The following SERAC1 variants were observed in gnomAD, a reference collection of about 807,000 sequenced individuals.
SERAC1 encodes the protein serine active site containing 1, also known as protein SERAC1.
A neutral mutation model predicts 85.7 loss-of-function variants in SERAC1; 36 were observed. That is an observed-to-expected ratio of 0.42 (90% CI 0.32 to 0.55). The LOEUF (loss-of-function observed/expected upper bound fraction) is 0.55. Ranked by LOEUF, SERAC1 falls within the 20% of genes least tolerant of loss-of-function variation. SERAC1 has a pLI of 0.11. For missense variants in SERAC1, 629 were observed against 796.2 expected, an observed-to-expected ratio of 0.79 and a Z score of 2.53; for synonymous variants, 242 against 265.3, an observed-to-expected ratio of 0.91 and a Z score of 0.85.
Position 158,144,380 on chromosome 6 carries a change from T to A in SERAC1, c.528A>T (p.Lys176Asn), listed in dbSNP as rs1463240380. ...YRIIAQACDP[K>N]TLIGLARSEE... ...CGCTTCGTGCCAAACCAATAAGAGT[T>A]TTCGGATCACAGGCTTGAGCAATTA... The change falls in exon 7 of 17, where the codon AAA (lysine) becomes AAT (asparagine). Residue 176 changes from lysine (K) to asparagine (N), a missense_variant. Coordinates refer to ENST00000647468, the MANE Select transcript of SERAC1 (RefSeq NM_032861.4). 3 of 1,613,206 alleles carry A rather than the reference T, an allele frequency of 1.9e-6. No individual in the cohort carries two copies. The highest frequency in any genetic ancestry group is 1.7e-6 in the Non-Finnish European group (2 of 1,179,514).
In SERAC1 at chr6:158,113,549, A is replaced by AAAC. The variant is rs1478893955; in HGVS notation, c.1725_1727dup (p.Glu575_Phe576insLeu). ...GCACCTGGAAGTTTTTGTCTTTAGC[A>AAAC]AACTCCAGAAAGTCATCTTGTAGTG... On this transcript the variant is annotated inframe_insertion, in exon 16 of 17. Transcript: ENST00000647468. 6.2e-6 allele frequency: 10 copies of AAAC among 1,613,908 alleles called. No individual in the cohort carries two copies. In the Admixed American group the frequency reaches 1.5e-4, roughly 24 times the overall value.
chr6:158,138,435 C>CAAA (rs60850749), intron 8 of SERAC1, among the ~76,000 whole-genome samples: 75 of 72,686 alleles, frequency 1.0e-3, no homozygotes, highest in Non-Finnish European at 1.3e-3. Context: ...GACTCTGTCT[C>CAAA]AAAAAAAAAA....
chr6:158,140,615 C>T (rs536330309), intron 8 of SERAC1, among the ~76,000 whole-genome samples: 1 of 152,234 alleles, frequency 6.6e-6, no homozygotes, highest in South Asian at 2.1e-4. Flanking sequence ...TTAATCAAAC[C>T]CAAGGTGGGG....
At chr6:158,147,190 G>A (rs1785084013) in intron 5 of SERAC1, among the ~76,000 whole-genome samples, 1 of 152,024 alleles carries the variant, frequency 6.6e-6, no homozygotes, top group Admixed American at 6.6e-5. Context: ...CCAGGCTGGA[G>A]TGCAGTGACA....
intron 2 of SERAC1, among the ~76,000 whole-genome samples, chr6:158,156,991 A>G (rs1778009756): frequency 9.5e-6 from 1 of 104,738 alleles, no homozygotes; most frequent in Non-Finnish European, 1.9e-5. Flanking sequence ...ATAAATACAT[A>G]TAAACTATAT....
intron 14 of SERAC1, among the ~76,000 whole-genome samples, chr6:158,115,834 G>A (rs1286052371): frequency 6.6e-6 from 1 of 152,140 alleles, no homozygotes; most frequent in Non-Finnish European, 1.5e-5. Flanking sequence ...AAGAATAAAG[G>A]GGCACCCCTG....
At position 158,122,025 on chromosome 6, in the gene SERAC1, G is replaced by T. The variant is rs186659822; in HGVS notation, c.1016-1450C>A. 3.9e-5 allele frequency among the ~76,000 whole-genome samples: 6 copies of T among 152,334 alleles called. No individual in the cohort carries two copies. The East Asian group carries it at 1.2e-3, about 29-fold the overall frequency. On this transcript the variant is annotated intron_variant, in intron 10 of 16. Transcript: ENST00000647468. ...AACAATGAACCACAAATACTATGGT[G>T]ATCCCATAAGATTATAGTACAGTAT...
At chr6:158,148,498 A>C (rs1785124313) in intron 5 of SERAC1, among the ~76,000 whole-genome samples, 1 of 152,144 alleles carries the variant, frequency 6.6e-6, no homozygotes, top group Non-Finnish European at 1.5e-5. Context: ...GCTGGAGTGC[A>C]GTGGCATGAT....
Position 158,117,235 on chromosome 6 carries a change from T to C in SERAC1, c.1403+492A>G. The C allele has an allele frequency of 2.3e-6, 1 of 434,126 alleles. No homozygotes were observed. The highest frequency in any genetic ancestry group is 4.1e-6 in the Non-Finnish European group (1 of 241,852). The allele number at this position is 434,126 out of a possible 1,614,324, so 26.9% of individuals were successfully genotyped here. On this transcript the variant is annotated intron_variant, in intron 13 of 16. Coordinates refer to ENST00000647468, the MANE Select transcript of SERAC1 (RefSeq NM_032861.4). This position sits in a 1 kb window ranked among gnomAD's most constrained non-coding sequence, Gnocchi z 4.3. ...TCCCGGAAAAGTTAACTGACTGGTC[T>C]AAGACTGCACAGCAAATCAAAGGTA...
chr6:158,152,377 A>T (rs1003733044), intron 3 of SERAC1, among the ~76,000 whole-genome samples: 1 of 152,264 alleles, frequency 6.6e-6, no homozygotes, highest in Non-Finnish European at 1.5e-5. Flanking sequence ...TTAGCCAGGC[A>T]TGGTGGCGGG....
intron 8 of SERAC1, among the ~76,000 whole-genome samples, chr6:158,139,075 G>T (rs1290911813): frequency 2.0e-5 from 3 of 151,850 alleles, no homozygotes; most frequent in Non-Finnish European, 4.4e-5. Flanking sequence ...ACTGGTTAAT[G>T]TTTTTCTTCT....
chr6:158,156,993 A>G (rs940280858), intron 2 of SERAC1, among the ~76,000 whole-genome samples: 4 of 107,100 alleles, frequency 3.7e-5, no homozygotes, highest in South Asian at 2.7e-4. Context: ...AAATACATAT[A>G]AACTATATAT....
chr6:158,155,413 C>A, intron 2 of SERAC1, 62 bp from the exon 3 acceptor site: 1 of 977,956 alleles, frequency 1.0e-6, no homozygotes, highest in Non-Finnish European at 1.6e-6. Flanking sequence ...AGGAAATAGG[C>A]AACAGTGTAA....
At position 158,120,408 on chromosome 6, in the gene SERAC1, CTCT is replaced by C. The variant is rs1200777354; in HGVS notation, c.1166+14_1166+16del. 3 of 1,603,692 alleles carry C rather than the reference CTCT, an allele frequency of 1.9e-6. No homozygotes were observed. Among genetic ancestry groups the C allele is most frequent in the Non-Finnish European group, 2.6e-6 (3 of 1,173,614 alleles). ...CATTTCCAAAGGGGACAAAGCAACT[CTCT>C]TCTGCTTCCTTACCTTGTTCGATAT... On this transcript the variant is annotated intron_variant, in intron 11 of 16. Coordinates refer to ENST00000647468, the MANE Select transcript of SERAC1 (RefSeq NM_032861.4). The surrounding 1 kb of genome is among the most constrained non-coding windows in gnomAD (Gnocchi z 4.4).
intron 5 of SERAC1, among the ~76,000 whole-genome samples, chr6:158,148,210 C>T (rs1785117232): frequency 6.6e-6 from 1 of 152,162 alleles, no homozygotes; most frequent in South Asian, 2.1e-4. Flanking sequence ...CCTTTTGTAT[C>T]TAGCTCCACA....
intron 2 of SERAC1, 136 bp downstream of exon 2, chr6:158,158,137 C>G (rs1370619391): frequency 1.7e-6 from 1 of 574,308 alleles, no homozygotes; most frequent in Non-Finnish European, 3.1e-6. Flanking sequence ...TTGGGGTGAA[C>G]TATTAGTACA....
At chr6:158,125,519 T>C (rs183897811) in intron 10 of SERAC1, among the ~76,000 whole-genome samples, 1 of 152,134 alleles carries the variant, frequency 6.6e-6, no homozygotes, top group African/African-American at 2.4e-5. Context: ...GCCTCCAACA[T>C]ACAGCCTCAG....
At chr6:158,146,396 GTC>G (rs1785056259) in intron 6 of SERAC1, 2 of 95,174 alleles carry the variant, frequency 2.1e-5, no homozygotes, top group South Asian at 2.5e-4. Context: ...CCACTCCCTT[GTC>G]TTTTTTTTTT....
At chr6:158,116,810 A>ATATT (rs1435547773) in intron 13 of SERAC1, 2 of 152,688 alleles carry the variant, frequency 1.3e-5, no homozygotes, top group Admixed American at 6.5e-5. Flanking sequence ...GGCTGCAAAA[A>ATATT]TATTAAGCTT....
Sources: gnomAD v4.1 joint callset for allele counts (sites outside exome capture counted in the v4.1 genomes callset) on GRCh38, gnomAD v4.1.1 for gene constraint, Gnocchi (gnomAD v3.1) non-coding constraint, MANE v1.5 for transcripts, NCBI Gene and HGNC (gene_info 2026-07-23, HGNC 2026-07-21) for gene names.